The following NAALADL2 variants were observed in gnomAD, a reference collection of about 807,000 sequenced individuals.
NAALADL2 encodes inactive N-acetylated-alpha-linked acidic dipeptidase-like protein 2.
NAALADL2 carries 76 observed loss-of-function variants against 87.2 expected under a neutral mutation model. That is an observed-to-expected ratio of 0.87 (90% CI 0.72 to 1.05). The LOEUF (loss-of-function observed/expected upper bound fraction) is 1.05. Among genes scored for constraint, NAALADL2 ranks in the 50% least tolerant of loss-of-function variants. NAALADL2 has a pLI of 0.00. For synonymous variants in NAALADL2, 354 were observed against 331.0 expected, an observed-to-expected ratio of 1.07 and a Z score of -0.75; for missense variants, 1,089 against 945.8, an observed-to-expected ratio of 1.15 and a Z score of -1.99.
chr3:175,074,816 G>A (rs978301936), intron 1 of NAALADL2, among the ~76,000 whole-genome samples: 1 of 151,732 alleles, frequency 6.6e-6, no homozygotes, highest in African/African-American at 2.4e-5. Flanking sequence ...GAGTACCAGG[G>A]GTGAATGGTT....
At chr3:174,616,400 T>C (rs1247546689) in intron 2 of NAALADL2, among the ~76,000 whole-genome samples, 1 of 151,936 alleles carries the variant, frequency 6.6e-6, no homozygotes, top group African/African-American at 2.4e-5. Context: ...TAATTAGGAA[T>C]AGGAAGGTAC....
chr3:174,748,850 A>G (rs1183070917), intron 3 of NAALADL2, among the ~76,000 whole-genome samples: 1 of 152,056 alleles, frequency 6.6e-6, no homozygotes, highest in Non-Finnish European at 1.5e-5. Context: ...ACATTTTCTT[A>G]TTTGCTTTCC....
chr3:174,591,407 G>A (rs1454587663), intron 2 of NAALADL2, among the ~76,000 whole-genome samples: 1 of 152,158 alleles, frequency 6.6e-6, no homozygotes, highest in Non-Finnish European at 1.5e-5. Context: ...GTGTTAGTAT[G>A]AGCATTCAAT....
At chr3:174,712,004 G>A (rs897034083) in intron 2 of NAALADL2, among the ~76,000 whole-genome samples, 1 of 151,884 alleles carries the variant, frequency 6.6e-6, no homozygotes, top group Non-Finnish European at 1.5e-5. Flanking sequence ...TCACAGGCTT[G>A]TCTCGAACTC....
chr3:174,506,039 T>G (rs1297569882), intron 1 of NAALADL2, among the ~76,000 whole-genome samples: 4 of 152,038 alleles, frequency 2.6e-5, no homozygotes, highest in African/African-American at 9.7e-5. Flanking sequence ...GTATGTGTGT[T>G]TAGAGAGGGG....
intron 2 of NAALADL2, among the ~76,000 whole-genome samples, chr3:174,682,193 T>C (rs62284755): frequency 0.08 from 12,218 of 152,172 alleles, 725 homozygotes; most frequent in South Asian, 0.28. Flanking sequence ...AAGAAAAGTG[T>C]GGGAAAGACT....
chr3:174,624,389 G>A (rs766299963), intron 2 of NAALADL2, among the ~76,000 whole-genome samples: 44 of 152,158 alleles, frequency 2.9e-4, no homozygotes, highest in African/African-American at 8.9e-4. Context: ...TTTGGGAGGC[G>A]GAGGCGGGTG....
chr3:174,883,332 G>T (rs1000396570), intron 1 of NAALADL2, among the ~76,000 whole-genome samples: 1 of 152,032 alleles, frequency 6.6e-6, no homozygotes, highest in East Asian at 1.9e-4. Context: ...CAAGTCCACC[G>T]CTTGTCAACC....
At chr3:174,686,963 A>C (rs1728102425) in intron 2 of NAALADL2, among the ~76,000 whole-genome samples, 1 of 152,102 alleles carries the variant, frequency 6.6e-6, no homozygotes, top group Admixed American at 6.6e-5. Flanking sequence ...ATCTAATAAA[A>C]CTAAAGAGAA....
chr3:175,799,556 A>C (rs1753890352), intron 13 of NAALADL2, among the ~76,000 whole-genome samples: 1 of 152,126 alleles, frequency 6.6e-6, no homozygotes, highest in Non-Finnish European at 1.5e-5. Context: ...AGCCTGAAAA[A>C]ACTAACTTTT....
intron 13 of NAALADL2, among the ~76,000 whole-genome samples, chr3:175,785,378 C>T (rs1279393873): frequency 6.5e-4 from 93 of 142,520 alleles, no homozygotes; most frequent in African/African-American, 2.5e-3. Context: ...CTTTATGAAT[C>T]TGGGTGCTCC....
At position 175,425,404 on chromosome 3, in the gene NAALADL2, G is replaced by A. The variant is rs182859400; in HGVS notation, c.1091-21825G>A. On this transcript the variant is annotated intron_variant, in intron 5 of 13. Coordinates refer to ENST00000454872, the MANE Select transcript of NAALADL2 (RefSeq NM_207015.3). ...CCTCCTGCTACCATCAAGCAGCATT[G>A]CTTTCTGAAGTTATAAAATACAATT... Among the ~76,000 whole-genome samples the A allele has an allele frequency of 1.3e-3, 204 of 152,128 alleles. 1 individual carries two copies. The highest frequency in any genetic ancestry group is 4.3e-3 in the African/African-American group (180 of 41,502).
chr3:174,780,905 A>C (rs573555443), intron 3 of NAALADL2, among the ~76,000 whole-genome samples: 6 of 152,096 alleles, frequency 3.9e-5, no homozygotes, highest in Admixed American at 2.0e-4. Context: ...ATGTTTTTTC[A>C]GTGGCTGGTA....
chr3:175,188,132 T>C (rs2109033729), intron 2 of NAALADL2, among the ~76,000 whole-genome samples: 1 of 152,338 alleles, frequency 6.6e-6, no homozygotes, highest in South Asian at 2.1e-4. Context: ...ATTAACTCTT[T>C]TTCTATCATG....
chr3:175,419,414 A>G (rs995197561), intron 5 of NAALADL2, among the ~76,000 whole-genome samples: 1 of 151,956 alleles, frequency 6.6e-6, no homozygotes, highest in Non-Finnish European at 1.5e-5. Context: ...TTATTATAGC[A>G]AAAAATTATT....
chr3:174,495,577 G>C (rs1374223305), intron 1 of NAALADL2, among the ~76,000 whole-genome samples: 3 of 151,256 alleles, frequency 2.0e-5, no homozygotes, highest in Non-Finnish European at 4.4e-5. Context: ...CAATTACAAG[G>C]CTGCCAGAAC....
In NAALADL2 at chr3:174,819,058, C is replaced by CTTTTTTTTTTTTTTTTT. The variant is rs3040106; in HGVS notation, c.-9+81324_-9+81340dup. ...GAATTTCTTTATTATACCATTTATT[C>CTTTTTTTTTTTTTTTTT]TTTTTTTTTTTTTTTTTTTTTTTTT... is the stretch of plus-strand genomic sequence containing the variant. On this transcript the variant is annotated intron_variant, in intron 3 of 3. Transcript: ENST00000434257. Among the ~76,000 whole-genome samples the CTTTTTTTTTTTTTTTTT allele has an allele frequency of 1.4e-3, 66 of 47,544 alleles. 11 individuals are homozygous for CTTTTTTTTTTTTTTTTT. Among genetic ancestry groups the CTTTTTTTTTTTTTTTTT allele is most frequent in the East Asian group, 5.1e-3 (7 of 1,378 alleles). 31.2% of individuals were successfully genotyped at this position (47,544 alleles called of 152,430 possible).
intron 3 of NAALADL2, among the ~76,000 whole-genome samples, chr3:174,790,225 G>A (rs1717291989): frequency 6.6e-6 from 1 of 152,056 alleles, no homozygotes; most frequent in South Asian, 2.1e-4. Context: ...CTGTTTTTTG[G>A]TTCCTAGTTT....
chr3:174,930,147 C>T (rs1371421556), intron 1 of NAALADL2, among the ~76,000 whole-genome samples: 1 of 152,030 alleles, frequency 6.6e-6, no homozygotes, highest in Non-Finnish European at 1.5e-5. Context: ...TAAAAAGAAA[C>T]TGACTAACAT....
Sources: allele counts gnomAD v4.1 joint callset (sites outside exome capture counted in the v4.1 genomes callset), GRCh38; gene constraint gnomAD v4.1.1; transcripts MANE v1.5; gene names NCBI Gene and HGNC (gene_info 2026-07-23, HGNC 2026-07-21).